The following CHIC1 variants were observed in gnomAD, a reference collection of about 807,000 sequenced individuals.
CHIC1 encodes cysteine-rich hydrophobic domain-containing protein 1.
Under a neutral mutation model 18.5 loss-of-function variants are expected in CHIC1, and 7 were observed. The ratio of observed to expected loss-of-function variants is 0.38; its 90% CI spans 0.22 to 0.71. The LOEUF (loss-of-function observed/expected upper bound fraction) is 0.71, where lower values mean the gene tolerates loss of function less well. Ranked by LOEUF, CHIC1 falls within the 30% of genes least tolerant of loss-of-function variation. CHIC1 has a pLI of 0.49. For synonymous variants in CHIC1, 77 were observed against 73.5 expected (o/e 1.05, Z -0.25); for missense variants, 159 against 176.9 (o/e 0.90, Z 0.57).
At chrX:73,672,010 A>G (rs2058033457) in intron 3 of CHIC1, among the ~76,000 whole-genome samples, 1 of 110,867 alleles carries the variant, frequency 9.0e-6, no homozygotes, top group Admixed American at 9.6e-5. Flanking sequence ...ATGAGTGAGA[A>G]CATGCGGTGT....
rs772092016 is a variant in CHIC1 at position 73,563,329 on chromosome X, G to C, written c.45G>C (p.Ser15=). 9 of 1,141,012 alleles carry C rather than the reference G, an allele frequency of 7.9e-6. No individual in the cohort carries two copies. The highest frequency in any genetic ancestry group is 5.5e-5 in the African/African-American group (3 of 54,247). The allele number at this position is 1,141,012 out of a possible 1,213,427, so 94.0% of individuals were successfully genotyped here. The change falls in exon 1 of 6, where the codon TCG becomes TCC. Residue 15 remains serine, a synonymous_variant. Transcript: ENST00000373502. ...LPNMAEFDTI[S]ELEEEEEEEA... Reference sequence around the variant, plus strand: ...ACATGGCGGAGTTCGACACCATCTCGGAACTGGAGGAGGAGGAGGAAGAAG... The same window carrying C: ...ACATGGCGGAGTTCGACACCATCTCCGAACTGGAGGAGGAGGAGGAAGAAG...
chrX:73,601,482 G>A (rs1017542819), intron 3 of CHIC1, among the ~76,000 whole-genome samples: 2 of 105,702 alleles, frequency 1.9e-5, no homozygotes, highest in African/African-American at 3.7e-5. Flanking sequence ...ACGAAATGAA[G>A]GCAGAAATAA....
Position 73,660,394 on chromosome X carries a change from G to T in CHIC1, c.508-18932G>T, listed in dbSNP as rs758710905. On this transcript the variant is annotated intron_variant, in intron 3 of 5. Coordinates refer to ENST00000373502, the MANE Select transcript of CHIC1 (RefSeq NM_001039840.4). The stretch of plus-strand genomic sequence containing the variant: ...ATTAGAGGCTGGAAAGGGGGTGTCT[G>T]CCCAGGTGACAGGGCGGAAGAAAGG... Among the ~76,000 whole-genome samples, 4 of 112,193 alleles carry T rather than the reference G, an allele frequency of 3.6e-5. No individual in the cohort carries two copies. In the East Asian group the frequency reaches 8.5e-4, roughly 24 times the overall value.
At position 73,592,517 on chromosome X, in the gene CHIC1, G is replaced by A. The variant is rs12690317; in HGVS notation, c.507+7945G>A. ...TGTGGTGAATCACATTTATTGATTC[G>A]CATATGTTGAACCAACCTTGTATCC... On this transcript the variant is annotated intron_variant, in intron 3 of 5. Coordinates refer to ENST00000373502, the MANE Select transcript of CHIC1 (RefSeq NM_001039840.4). 1.2e-4 allele frequency among the ~76,000 whole-genome samples: 13 copies of A among 111,415 alleles called. No homozygotes were observed. In the East Asian group the frequency reaches 2.0e-3, roughly 17 times the overall value.
intron 3 of CHIC1, among the ~76,000 whole-genome samples, chrX:73,631,912 A>C (rs2147593365): frequency 8.9e-6 from 1 of 112,052 alleles, no homozygotes; most frequent in Non-Finnish European, 1.9e-5. Context: ...ATATGATTTT[A>C]ATCTTGTGAA....
chrX:73,610,885 G>A (rs138102702), intron 3 of CHIC1, among the ~76,000 whole-genome samples: 1,730 of 106,399 alleles, frequency 0.016, 179 homozygotes, highest in African/African-American at 0.06. Context: ...TAATAGTGTC[G>A]GATGATTTGT....
chrX:73,653,908 A>G (rs2057930019), intron 3 of CHIC1, among the ~76,000 whole-genome samples: 1 of 112,420 alleles, frequency 8.9e-6, no homozygotes, highest in Non-Finnish European at 1.9e-5. Flanking sequence ...TTGATTTTGC[A>G]TCCTGCAACT....
chrX:73,580,672 C>T (rs904273189), intron 2 of CHIC1, among the ~76,000 whole-genome samples: 1 of 110,506 alleles, frequency 9.0e-6, no homozygotes, highest in African/African-American at 3.3e-5. Context: ...GAAAAAAGGT[C>T]TAAATTCCAG....
chrX:73,574,232 T>C (rs779316112), intron 1 of CHIC1, among the ~76,000 whole-genome samples: 19 of 111,132 alleles, frequency 1.7e-4, no homozygotes, highest in Non-Finnish European at 2.9e-4. Context: ...ATTACATTTA[T>C]TGATTTGTGT....
chrX:73,676,674 C>T (rs920314600), intron 3 of CHIC1, among the ~76,000 whole-genome samples: 1 of 111,056 alleles, frequency 9.0e-6, no homozygotes, highest in Non-Finnish European at 1.9e-5. Flanking sequence ...GCCATTGGTT[C>T]GAATTTCCTC....
chrX:73,615,699 TC>T (rs1453236104), intron 3 of CHIC1, among the ~76,000 whole-genome samples: 1 of 111,047 alleles, frequency 9.0e-6, no homozygotes, highest in Non-Finnish European at 1.9e-5. Context: ...GATGGATGTG[TC>T]CTCAGGCCCT....
At chrX:73,597,102 C>A (rs755543135) in intron 3 of CHIC1, among the ~76,000 whole-genome samples, 1 of 111,887 alleles carries the variant, frequency 8.9e-6, no homozygotes, top group South Asian at 3.7e-4. Context: ...TACATTCCTA[C>A]CAGCAATGCA....
chrX:73,668,825 A>G (rs940857017), intron 3 of CHIC1, among the ~76,000 whole-genome samples: 3 of 112,539 alleles, frequency 2.7e-5, no homozygotes, highest in Middle Eastern at 9.1e-3. Flanking sequence ...AGGAGGAACA[A>G]GATCAGGCAC....
rs1438379111 is a variant in CHIC1 at position 73,687,096 on chromosome X, A to AGG, written c.*6091_*6092insGG. 8.9e-6 allele frequency: 1 copy of AGG among 111,805 alleles called. No individual in the cohort carries two copies. The highest frequency in any genetic ancestry group is 1.9e-5 in the Non-Finnish European group (1 of 53,037). 9.2% of individuals were successfully genotyped at this position (111,805 alleles called of 1,213,427 possible). On this transcript the variant is annotated 3_prime_UTR_variant, in exon 6 of 6. Transcript: ENST00000373502. ...CAAATTTAAAATAAAGTGTAAATCTATGTTAATGAATTGAATTCTGTGTTT... is the reference window on the plus strand; with the variant it reads ...CAAATTTAAAATAAAGTGTAAATCTAGGTGTTAATGAATTGAATTCTGTGTTT...
At chrX:73,580,750 C>G (rs1488940859) in intron 2 of CHIC1, among the ~76,000 whole-genome samples, 1 of 110,747 alleles carries the variant, frequency 9.0e-6, no homozygotes, top group Non-Finnish European at 1.9e-5. Context: ...GAAAAAAAAT[C>G]TACCTTTTAT....
intron 3 of CHIC1, among the ~76,000 whole-genome samples, chrX:73,613,810 C>G (rs2057720036): frequency 1.8e-5 from 2 of 110,747 alleles, no homozygotes; most frequent in Non-Finnish European, 3.8e-5. Flanking sequence ...CTCTCTCCCT[C>G]CCTCCCTTCC....
chrX:73,675,137 G>C (rs951401727), intron 3 of CHIC1, among the ~76,000 whole-genome samples: 8 of 111,873 alleles, frequency 7.2e-5, no homozygotes, highest in Admixed American at 2.8e-4. Flanking sequence ...CATTTGCTGA[G>C]GAGTGCTTTA....
At chrX:73,677,270 G>A (rs2058070608) in intron 3 of CHIC1, among the ~76,000 whole-genome samples, 1 of 112,177 alleles carries the variant, frequency 8.9e-6, no homozygotes, top group Admixed American at 9.4e-5. Context: ...GTCAGAGAGG[G>A]ACATTTAAGT....
At chrX:73,595,613 T>A (rs770602321) in intron 3 of CHIC1, among the ~76,000 whole-genome samples, 1 of 111,825 alleles carries the variant, frequency 8.9e-6, no homozygotes, top group South Asian at 3.8e-4. Flanking sequence ...TTTGCTATAG[T>A]GACTAGTGCT....
Sources: gnomAD v4.1 joint callset for allele counts (sites outside exome capture counted in the v4.1 genomes callset) on GRCh38, gnomAD v4.1.1 for gene constraint, MANE v1.5 for transcripts, NCBI Gene and HGNC (gene_info 2026-07-23, HGNC 2026-07-21) for gene names.